Variants in ZNF385B observed in about 807,000 individuals in gnomAD.
ZNF385B encodes the protein zinc finger protein 385B.
A neutral mutation model predicts 39.2 loss-of-function variants in ZNF385B; 23 were observed. That is an observed-to-expected ratio of 0.59 (90% confidence interval 0.42 to 0.83). The LOEUF (loss-of-function observed/expected upper bound fraction) is 0.83. Ranked by LOEUF, ZNF385B falls within the 40% of genes least tolerant of loss-of-function variation. The probability of loss-of-function intolerance (pLI) is 0.00; values close to 1 mark genes in which losing one functional copy is unlikely to be tolerated. For missense variants in ZNF385B, 552 were observed against 598.9 expected (o/e 0.92, Z 0.82); for synonymous variants, 205 against 222.6 (o/e 0.92, Z 0.70).
intron 5 of ZNF385B, among the ~76,000 whole-genome samples, chr2:179,500,658 T>C (rs2056670605): frequency 6.6e-6 from 1 of 152,042 alleles, no homozygotes; most frequent in East Asian, 1.9e-4. Context: ...AGACTAACAA[T>C]GGGGAAAATC....
chr2:179,818,066 T>C (rs900570850), intron 1 of ZNF385B, among the ~76,000 whole-genome samples: 4 of 152,004 alleles, frequency 2.6e-5, no homozygotes, highest in African/African-American at 9.7e-5. Context: ...GTGTGTAGTA[T>C]GTTGCATGTG....
rs561057171 is a variant in ZNF385B, at chr2:179,845,937, AAGCCAACCTGTTCTTTTGAAAG to A, written c.-155+15142_-155+15163del. On this transcript the variant is annotated intron_variant, in intron 1 of 9. Coordinates refer to ENST00000410066, the MANE Select transcript of ZNF385B (RefSeq NM_152520.6). ...TCATGTGGCTAGCAGGACTTTTTCA[AAGCCAACCTGTTCTTTTGAAAG>A]ATAAAGGGGACGTTTCAGAGATTCT... is the stretch of plus-strand genomic sequence containing the variant. Among the ~76,000 whole-genome samples, 11 of 152,314 alleles carry A rather than the reference AAGCCAACCTGTTCTTTTGAAAG, an allele frequency of 7.2e-5. No individual in the cohort carries two copies. In the South Asian group the frequency reaches 2.3e-3, roughly 32 times the overall value.
intron 3 of ZNF385B, chr2:179,660,312 T>C (rs1219803960): frequency 1.3e-5 from 2 of 152,168 alleles, no homozygotes; most frequent in African/African-American, 4.8e-5. Flanking sequence ...TCAGTAGATG[T>C]TGCCTCCTCA....
At chr2:179,463,592 G>C (rs1042770552) in intron 6 of ZNF385B, among the ~76,000 whole-genome samples, 5 of 152,066 alleles carry the variant, frequency 3.3e-5, no homozygotes, top group African/African-American at 1.2e-4. Context: ...TTATGAGTGA[G>C]AACATGCGGT....
At chr2:179,761,681 C>T (rs1174852730) in intron 3 of ZNF385B, among the ~76,000 whole-genome samples, 2 of 151,018 alleles carry the variant, frequency 1.3e-5, no homozygotes, top group African/African-American at 4.9e-5. Context: ...TGAGCCCAAG[C>T]AATCCTCCCA....
intron 3 of ZNF385B, among the ~76,000 whole-genome samples, chr2:179,691,647 G>T (rs1194820291): frequency 1.3e-5 from 2 of 152,144 alleles, no homozygotes; most frequent in African/African-American, 2.4e-5. Context: ...AAGTTTCAAT[G>T]AGTCTAGTAT....
chr2:179,807,776 TC>T (rs1706456554), intron 1 of ZNF385B, among the ~76,000 whole-genome samples: 1 of 150,914 alleles, frequency 6.6e-6, no homozygotes, highest in Admixed American at 6.6e-5. Flanking sequence ...GCGCCTGTAG[TC>T]CCAGCTACTC....
chr2:179,696,326 C>CTTGTTTTTTTTTT (rs1698743638), intron 3 of ZNF385B, among the ~76,000 whole-genome samples: 1 of 40,354 alleles, frequency 2.5e-5, no homozygotes, highest in African/African-American at 1.0e-4. Context: ...CAAACTGGGA[C>CTTGTTTTTTTTTT]TTTTTTTTTT....
intron 3 of ZNF385B, among the ~76,000 whole-genome samples, chr2:179,572,320 G>A (rs1185795340): frequency 1.3e-5 from 2 of 152,120 alleles, no homozygotes; most frequent in Non-Finnish European, 2.9e-5. Context: ...GAAACCTTCA[G>A]TCCCTGCCTT....
chr2:179,586,550 T>C (rs1012848132), intron 3 of ZNF385B, among the ~76,000 whole-genome samples: 5 of 152,232 alleles, frequency 3.3e-5, no homozygotes, highest in Middle Eastern at 3.2e-3. Context: ...GCTGTAGCTG[T>C]TGCCTGACTT....
intron 3 of ZNF385B, among the ~76,000 whole-genome samples, chr2:179,757,026 G>A (rs1344094684): frequency 1.3e-5 from 2 of 152,282 alleles, no homozygotes; most frequent in African/African-American, 2.4e-5. Context: ...TCCTTTGGAG[G>A]GGGAGAGGTG....
intron 4 of ZNF385B, among the ~76,000 whole-genome samples, chr2:179,526,036 A>AT (rs3054031): frequency 0.031 from 3,939 of 129,130 alleles, 198 homozygotes; most frequent in African/African-American, 0.095. Context: ...TTAACCACAG[A>AT]TTTTTTTTTT....
intron 3 of ZNF385B, among the ~76,000 whole-genome samples, chr2:179,564,496 T>C (rs775163754): frequency 7.9e-5 from 12 of 152,138 alleles, no homozygotes; most frequent in Non-Finnish European, 7.4e-5. Context: ...CTTTAGTCAG[T>C]CCATTCTTAA....
At chr2:179,476,253 C>A (rs1409290973) in intron 6 of ZNF385B, among the ~76,000 whole-genome samples, 1 of 152,020 alleles carries the variant, frequency 6.6e-6, no homozygotes, top group Non-Finnish European at 1.5e-5. Flanking sequence ...TATACATTTA[C>A]AGAATTATTC....
rs574983965 is a variant in ZNF385B, at chr2:179,514,935, C to T, written c.552+3593G>A. 8.6e-5 allele frequency among the ~76,000 whole-genome samples: 13 copies of T among 152,016 alleles called. No individual in the cohort carries two copies. The East Asian group carries it at 1.2e-3, about 14-fold the overall frequency. The stretch of plus-strand genomic sequence containing the variant: ...CTGGGATTTCAGGTGTGCACAATCA[C>T]GCCTGGCTAATTTTGTATTTTTAGT... On this transcript the variant is annotated intron_variant, in intron 5 of 9. Coordinates refer to ENST00000410066, the MANE Select transcript of ZNF385B (RefSeq NM_152520.6).
chr2:179,654,373 T>C (rs537935542), intron 3 of ZNF385B, among the ~76,000 whole-genome samples: 6 of 152,234 alleles, frequency 3.9e-5, no homozygotes, highest in South Asian at 2.1e-4. Flanking sequence ...AGGTCTCCTA[T>C]TTCCTATCCC....
intron 3 of ZNF385B, among the ~76,000 whole-genome samples, chr2:179,714,942 CAAAAAA>C (rs34449760): frequency 2.5e-5 from 2 of 79,230 alleles, no homozygotes; most frequent in African/African-American, 1.0e-4. Flanking sequence ...GATTCTATCT[CAAAAAA>C]AAAAAAAAAA....
In ZNF385B at chr2:179,662,425, T is replaced by A. The variant is rs527920087; in HGVS notation, c.298+107078A>T. 7.6e-4 allele frequency among the ~76,000 whole-genome samples: 115 copies of A among 151,998 alleles called. 1 individual carries two copies. The highest frequency in any genetic ancestry group is 2.7e-3 in the African/African-American group (110 of 41,438). On this transcript the variant is annotated intron_variant, in intron 3 of 9. Coordinates refer to ENST00000410066, the MANE Select transcript of ZNF385B (RefSeq NM_152520.6). ...CTCTAGAACTTTGAAACAATACATT[T>A]CTGTTGTTTAAGGCATTCAGTCTGT...
At chr2:179,686,087 T>TA (rs1322740595) in intron 3 of ZNF385B, among the ~76,000 whole-genome samples, 3 of 152,314 alleles carry the variant, frequency 2.0e-5, no homozygotes, top group African/African-American at 7.2e-5. Flanking sequence ...TCAAGGGTCA[T>TA]AAAAAAACCT....
Sources: allele counts gnomAD v4.1 joint callset (sites outside exome capture counted in the v4.1 genomes callset), GRCh38; gene constraint gnomAD v4.1.1; transcripts MANE v1.5; gene names NCBI Gene and HGNC (gene_info 2026-07-23, HGNC 2026-07-21).